CACNA1E: variants seen among roughly 807,000 people sequenced by gnomAD.
CACNA1E encodes voltage-dependent R-type calcium channel subunit alpha-1E.
In CACNA1E, 40 loss-of-function variants were observed where a neutral mutation model predicts 259.2. The ratio of observed to expected loss-of-function variants is 0.15; its 90% CI spans 0.12 to 0.20. The LOEUF is 0.20. Ranked by LOEUF, CACNA1E falls within the 10% of genes least tolerant of loss-of-function variation. The pLI is 1.00. For synonymous variants in CACNA1E, 1,104 were observed against 1,138.5 expected (o/e 0.97, Z 0.61); for missense variants, 1,874 against 3,040.1 (o/e 0.62, Z 9.02).
intron 6 of CACNA1E, among the ~76,000 whole-genome samples, chr1:181,582,137 G>A (rs1158357839): frequency 6.6e-6 from 1 of 152,222 alleles, no homozygotes; most frequent in Non-Finnish European, 1.5e-5. Context: ...GATGAGCAAG[G>A]CAGGACTGAA....
intron 16 of CACNA1E, among the ~76,000 whole-genome samples, chr1:181,723,500 C>A (rs1345414071): frequency 6.6e-6 from 1 of 152,166 alleles, no homozygotes; most frequent in Non-Finnish European, 1.5e-5. Context: ...CACCAACAAG[C>A]AAGCAATCCG....
intron 39 of CACNA1E, among the ~76,000 whole-genome samples, chr1:181,783,242 A>G (rs1660575677): frequency 2.6e-5 from 4 of 152,176 alleles, no homozygotes; most frequent in Admixed American, 2.6e-4. Context: ...GTATTTCCAT[A>G]TGAGTTTCAG....
At chr1:181,676,337 G>A (rs1649373772) in intron 7 of CACNA1E, among the ~76,000 whole-genome samples, 3 of 152,106 alleles carry the variant, frequency 2.0e-5, no homozygotes, top group Admixed American at 2.0e-4. Flanking sequence ...TCGTGTTCAT[G>A]TTTTCCTCAT....
In CACNA1E at chr1:181,792,245, G is replaced by A. The variant is rs1354754996; in HGVS notation, c.5899-1420G>A. Among the ~76,000 whole-genome samples the A allele has an allele frequency of 2.0e-5, 3 of 152,280 alleles. No individual in the cohort carries two copies. In the East Asian group the frequency reaches 5.8e-4, roughly 29 times the overall value. Reference sequence around the variant, plus strand: ...GGAGACTTTATGACATCATTTCTGCGGGTTCCCCAGGGCTGAGCCGTAGTG... The same window carrying A: ...GGAGACTTTATGACATCATTTCTGCAGGTTCCCCAGGGCTGAGCCGTAGTG... On this transcript the variant is annotated intron_variant, in intron 44 of 47. Coordinates refer to ENST00000367573, the MANE Select transcript of CACNA1E (RefSeq NM_001205293.3).
intron 2 of CACNA1E, among the ~76,000 whole-genome samples, chr1:181,441,814 AT>A (rs1439383732): frequency 6.6e-6 from 1 of 152,168 alleles, no homozygotes; most frequent in African/African-American, 2.4e-5. Flanking sequence ...TTTTAGCCTG[AT>A]TCTACATAGC....
intron 37 of CACNA1E, 74 bp downstream of exon 37, chr1:181,772,305 G>A (rs781674067): frequency 6.1e-5 from 88 of 1,451,272 alleles, no homozygotes; most frequent in Non-Finnish European, 7.0e-5. Flanking sequence ...TACATAGACC[G>A]GAGATGTTTG....
intron 37 of CACNA1E, among the ~76,000 whole-genome samples, chr1:181,773,384 A>C (rs1026057641): frequency 4.6e-5 from 7 of 152,238 alleles, no homozygotes; most frequent in African/African-American, 1.7e-4. Context: ...AATGGGAGAA[A>C]AAAATGACTT....
At chr1:181,764,601 C>G (rs3767010) in intron 34 of CACNA1E, among the ~76,000 whole-genome samples, 4,578 of 152,206 alleles carry the variant, frequency 0.03, 157 homozygotes, top group South Asian at 0.16. Context: ...TAGGAGCGAC[C>G]TTGACACTTT....
intron 1 of CACNA1E, among the ~76,000 whole-genome samples, chr1:181,411,910 A>T (rs1174792789): frequency 6.6e-6 from 1 of 152,216 alleles, no homozygotes; most frequent in Non-Finnish European, 1.5e-5. Flanking sequence ...GCGCCCAGCC[A>T]GGTGTGCCTC....
intron 2 of CACNA1E, among the ~76,000 whole-genome samples, chr1:181,421,313 C>A (rs916827487): frequency 6.6e-6 from 1 of 152,194 alleles, no homozygotes; most frequent in Admixed American, 6.5e-5. Context: ...ACCTACCTTG[C>A]AAGCCTGTTG....
At chr1:181,544,580 G>C (rs1203271789) in intron 3 of CACNA1E, among the ~76,000 whole-genome samples, 2 of 152,186 alleles carry the variant, frequency 1.3e-5, no homozygotes, top group African/African-American at 2.4e-5. Context: ...AGGTGCCAGA[G>C]GCATACTACA....
chr1:181,584,774 C>G (rs544657177), intron 6 of CACNA1E, among the ~76,000 whole-genome samples: 3 of 152,156 alleles, frequency 2.0e-5, no homozygotes, highest in Non-Finnish European at 4.4e-5. Context: ...CAGTCTTTTC[C>G]TACCACCTCC....
chr1:181,732,807 C>T lies in CACNA1E; in HGVS notation c.2721C>T (p.Thr907=), dbSNP rs777558009. 1.2e-6 allele frequency: 2 copies of T among 1,608,142 alleles called. No homozygotes were observed. Among genetic ancestry groups the T allele is most frequent in the East Asian group, 2.2e-5 (1 of 44,844 alleles). The part of the protein sequence containing the change: ...QEAGGGEAVV[T]FEDRARHRQS... Reference sequence around the variant, plus strand: ...CAGGGGGAGGAGAGGCTGTGGTGACCTTTGAGGACCGGGCCAGGCACAGGC... The same window carrying T: ...CAGGGGGAGGAGAGGCTGTGGTGACTTTTGAGGACCGGGCCAGGCACAGGC... The change falls in exon 20 of 48, where the codon ACC becomes ACT. Residue 907 remains threonine (T), a synonymous_variant. Transcript: ENST00000367573. This position sits in a 1 kb window ranked among gnomAD's most constrained non-coding sequence, Gnocchi z 5.5.
intron 35 of CACNA1E, among the ~76,000 whole-genome samples, chr1:181,770,825 G>A (rs1415847688): frequency 6.6e-6 from 1 of 152,070 alleles, no homozygotes; most frequent in Non-Finnish European, 1.5e-5. Context: ...ATTGCAGGGT[G>A]GCATCTGCCC....
At chr1:181,370,501 G>T (rs1571689699) in intron 1 of CACNA1E, among the ~76,000 whole-genome samples, 1 of 152,034 alleles carries the variant, frequency 6.6e-6, no homozygotes, top group African/African-American at 2.4e-5. Context: ...TCAATGTTTG[G>T]CTCCCGCTTA....
At chr1:181,726,034 C>A (rs1285721923) in intron 17 of CACNA1E, 31 bp from the exon 18 acceptor site, 4 of 1,533,538 alleles carry the variant, frequency 2.6e-6, no homozygotes, top group Non-Finnish European at 3.6e-6. Context: ...CCTGGGGATC[C>A]CAGGCAAAGC....
intron 1 of CACNA1E, among the ~76,000 whole-genome samples, chr1:181,336,843 T>C (rs1651748063): frequency 1.3e-5 from 2 of 152,080 alleles, no homozygotes; most frequent in African/African-American, 4.8e-5. Flanking sequence ...TGTGATCAGC[T>C]TATTTCATCT....
chr1:181,456,039 T>C, intron 2 of CACNA1E, among the ~76,000 whole-genome samples: 1 of 152,122 alleles, frequency 6.6e-6, no homozygotes, highest in East Asian at 1.9e-4. Flanking sequence ...AGAATTTGGT[T>C]TCAGGGATGT....
intron 6 of CACNA1E, among the ~76,000 whole-genome samples, chr1:181,594,314 G>A (rs987984131): frequency 2.0e-5 from 3 of 152,172 alleles, no homozygotes; most frequent in African/African-American, 7.2e-5. Flanking sequence ...TATGTAACCT[G>A]TCATTGAAGA....
Sources: gnomAD v4.1 joint callset for allele counts (sites outside exome capture counted in the v4.1 genomes callset) on GRCh38, gnomAD v4.1.1 for gene constraint, Gnocchi (gnomAD v3.1) non-coding constraint, MANE v1.5 for transcripts, NCBI Gene and HGNC (gene_info 2026-07-23, HGNC 2026-07-21) for gene names.